Variants in OTOG observed in about 807,000 individuals in gnomAD.
OTOG encodes the protein otogelin.
A neutral mutation model predicts 313.8 loss-of-function variants in OTOG; 296 were observed. That is an observed-to-expected ratio of 0.94 (90% CI 0.86 to 1.04). OTOG has a LOEUF of 1.04. OTOG is among the 50% of genes least tolerant of loss of function. OTOG has a pLI of 0.00. For synonymous variants in OTOG, 1,533 were observed against 1,554.9 expected (o/e 0.99, Z 0.33); for missense variants, 3,948 against 3,840.1 (o/e 1.03, Z -0.74).
chr11:17,563,149 A>G (rs1590001695), intron 15 of OTOG, among the ~76,000 whole-genome samples: 2 of 152,210 alleles, frequency 1.3e-5, no homozygotes, highest in African/African-American at 4.8e-5. Context: ...GCCAATGTGC[A>G]AGTCTGGGGT....
chr11:17,612,029 G>A, intron 36 of OTOG, 133 bp from the exon 37 acceptor site: 1 of 1,090,890 alleles, frequency 9.2e-7, no homozygotes, highest in Non-Finnish European at 1.3e-6. Context: ...GGTAGGGGGT[G>A]AGGGCCTCTT....
At chr11:17,578,999 CTG>C (rs1260979745) in intron 23 of OTOG, among the ~76,000 whole-genome samples, 2 of 152,254 alleles carry the variant, frequency 1.3e-5, no homozygotes, top group East Asian at 3.8e-4. Context: ...CCAGAGAAAA[CTG>C]TCTCATTCCC....
At chr11:17,640,653 G>T in intron 49 of OTOG, 92 bp from the exon 50 acceptor site, 1 of 1,332,196 alleles carries the variant, frequency 7.5e-7, no homozygotes. Flanking sequence ...CACAGGGAGG[G>T]ACTGACGTAG....
chr11:17,552,614 C>CTGTG (rs1158447407), intron 4 of OTOG, among the ~76,000 whole-genome samples: 188 of 150,648 alleles, frequency 1.2e-3, no homozygotes, highest in African/African-American at 2.3e-3. Flanking sequence ...CCCACCTGTC[C>CTGTG]TCTCACATCA....
chr11:17,643,583 C>A, intron 54 of OTOG, 77 bp downstream of exon 54: 1 of 1,133,162 alleles, frequency 8.8e-7, no homozygotes, highest in African/African-American at 1.6e-5. Context: ...GGACAGAGGA[C>A]CAGGTTCCTG....
At position 17,558,204 on chromosome 11, in the gene OTOG, GGT is replaced by G; in HGVS notation, c.886_887del (p.Val296Ter). 2 of 1,550,536 alleles carry G rather than the reference GGT, an allele frequency of 1.3e-6. No homozygotes were observed. The highest frequency in any genetic ancestry group is 1.7e-6 in the Non-Finnish European group (2 of 1,146,970). On this transcript the variant is annotated frameshift_variant, in exon 9 of 56. Coordinates refer to ENST00000399397, the MANE Select transcript of OTOG (RefSeq NM_001292063.2). LOFTEE classifies it high-confidence loss of function. ...CTCCAGGGAAGCTGACTGACGACGT[GGT>G]TGAGTTTGTGCACAGCTGGCAGGAG... ...TSSGKLTDDV[V>X]EFVHSWQEQA... is the part of the protein sequence containing the mutation.
chr11:17,614,646 T>C (rs4757552), intron 39 of OTOG, among the ~76,000 whole-genome samples: 21,171 of 152,178 alleles, frequency 0.14, 1,602 homozygotes, highest in Non-Finnish European at 0.18. Flanking sequence ...CCTATAGTTA[T>C]GCCTTTTCCA....
chr11:17,615,887 C>T (rs993773578), intron 39 of OTOG, among the ~76,000 whole-genome samples: 50 of 152,024 alleles, frequency 3.3e-4, no homozygotes, highest in African/African-American at 1.2e-3. Flanking sequence ...GAGATTGCAC[C>T]ATTGCACTCC....
intron 15 of OTOG, among the ~76,000 whole-genome samples, chr11:17,566,845 T>A (rs778548429): frequency 3.9e-5 from 6 of 152,230 alleles, no homozygotes; most frequent in Non-Finnish European, 2.9e-5. Flanking sequence ...TCACTGAGAT[T>A]GTTTCATACA....
intron 36 of OTOG, among the ~76,000 whole-genome samples, chr11:17,611,814 C>CTGTGTG (rs3073108): frequency 6.6e-6 from 1 of 150,762 alleles, no homozygotes; most frequent in African/African-American, 2.4e-5. Context: ...TTGTGAGAAA[C>CTGTGTG]TGTGTGTGTG....
At chr11:17,643,378 C>A (rs1054492322) in intron 53 of OTOG, 83 bp from the exon 54 acceptor site, 2 of 972,896 alleles carry the variant, frequency 2.1e-6, no homozygotes, top group Non-Finnish European at 1.4e-6. Context: ...GACTCCTGTA[C>A]TCTGCCTGTT....
At chr11:17,583,374 A>T (rs145480871) in intron 23 of OTOG, among the ~76,000 whole-genome samples, 1 of 152,238 alleles carries the variant, frequency 6.6e-6, no homozygotes, top group African/African-American at 2.4e-5. Context: ...TGGCCTCAAG[A>T]AATCCTCCCA....
chr11:17,627,564 G>A (rs1424605165), intron 39 of OTOG, among the ~76,000 whole-genome samples: 2 of 151,954 alleles, frequency 1.3e-5, no homozygotes. Context: ...TTTTTGATAT[G>A]TCCTGGTCTG....
In OTOG at chr11:17,608,233, A is replaced by G; in HGVS notation, c.4157-63A>G. 3 of 1,136,856 alleles carry G rather than the reference A, an allele frequency of 2.6e-6. No homozygotes were observed. The South Asian group carries it at 5.1e-5, about 19-fold the overall frequency. 70.4% of individuals were successfully genotyped at this position (1,136,856 alleles called of 1,614,324 possible). A position where few individuals can be genotyped will look rare whatever the true frequency, so the allele number is the denominator to read the frequency against. On this transcript the variant is annotated intron_variant, in intron 33 of 55. Coordinates refer to ENST00000399397, the MANE Select transcript of OTOG (RefSeq NM_001292063.2). ...CTCCACAGGATGGGGGGCAGGGCTG[A>G]GCTCTGGGACTCCCTCTGTGTCTTC... is the stretch of plus-strand genomic sequence containing the variant.
chr11:17,631,356 TTC>T (rs143019994), intron 40 of OTOG, among the ~76,000 whole-genome samples: 2,332 of 140,676 alleles, frequency 0.017, 20 homozygotes, highest in Middle Eastern at 0.047. Context: ...GCTTCTCTCC[TTC>T]TCTCTCTCTC....
Position 17,553,199 on chromosome 11 carries a change from C to CG in OTOG, c.374dup (p.Cys126LeufsTer10). On this transcript the variant is annotated frameshift_variant, in exon 5 of 56. Coordinates refer to ENST00000399397, the MANE Select transcript of OTOG (RefSeq NM_001292063.2). LOFTEE classifies it high-confidence loss of function. ...CAGACGCTTCAATGCCACTGGACCG[C>CG]GCTGCCAGATGGGTGGGTCTGGGCT... is the stretch of plus-strand genomic sequence containing the variant. The CG allele has an allele frequency of 3.9e-6, 6 of 1,550,458 alleles. No individual in the cohort carries two copies. The highest frequency in any genetic ancestry group is 5.2e-6 in the Non-Finnish European group (6 of 1,146,978).
chr11:17,565,880 T>C (rs997002195), intron 15 of OTOG, among the ~76,000 whole-genome samples: 1 of 152,172 alleles, frequency 6.6e-6, no homozygotes, highest in African/African-American at 2.4e-5. Context: ...CTGGGCCTAT[T>C]AGATGCACCA....
intron 39 of OTOG, among the ~76,000 whole-genome samples, chr11:17,621,857 T>G (rs1318375935): frequency 2.0e-5 from 3 of 152,204 alleles, no homozygotes; most frequent in African/African-American, 2.4e-5. Context: ...TTTTATATAT[T>G]TTGTCAGTTT....
intron 7 of OTOG, 108 bp downstream of exon 7, chr11:17,556,005 C>G: frequency 1.2e-6 from 1 of 851,026 alleles, no homozygotes; most frequent in Non-Finnish European, 1.8e-6. Context: ...TTTCTGGGGA[C>G]AAACAGCAAT....
Sources: gnomAD v4.1 joint callset for allele counts (sites outside exome capture counted in the v4.1 genomes callset) on GRCh38, gnomAD v4.1.1 for gene constraint, MANE v1.5 for transcripts, NCBI Gene and HGNC (gene_info 2026-07-23, HGNC 2026-07-21) for gene names.